The following MBD5 variants were observed in gnomAD, a reference collection of about 807,000 sequenced individuals.
The protein encoded by MBD5 is methyl-CpG-binding domain protein 5.
Under a neutral mutation model 117.3 loss-of-function variants are expected in MBD5, and 13 were observed. That is an observed-to-expected ratio of 0.11 (90% confidence interval 0.07 to 0.18). The LOEUF (loss-of-function observed/expected upper bound fraction) is 0.18. Among genes scored for constraint, MBD5 ranks in the 10% least tolerant of loss-of-function variants. MBD5 has a pLI of 1.00. For missense variants in MBD5, 1,879 were observed against 2,093.8 expected, an observed-to-expected ratio of 0.90 and a Z score of 2.00; for synonymous variants, 727 against 766.4, an observed-to-expected ratio of 0.95 and a Z score of 0.85.
intron 9 of MBD5, among the ~76,000 whole-genome samples, chr2:148,484,623 G>A (rs1459593945): frequency 1.3e-5 from 2 of 152,170 alleles, no homozygotes; most frequent in African/African-American, 4.8e-5. Context: ...GAAACAAGAT[G>A]TAAAAACACG....
chr2:148,074,484 G>GGTTTTTTTTTGTTTTTTTTTTTGTT (rs1695441485), intron 1 of MBD5, among the ~76,000 whole-genome samples: 26 of 123,158 alleles, frequency 2.1e-4, no homozygotes, highest in African/African-American at 9.0e-4. Context: ...GGAATAGTTT[G>GGTTTTTTTTTGTTTTTTTTTTTGTT]TTTTTTTTTT....
At chr2:148,044,472 G>A (rs955368132) in intron 1 of MBD5, 18 of 152,226 alleles carry the variant, frequency 1.2e-4, no homozygotes, top group African/African-American at 4.1e-4. Context: ...AGGATTATGC[G>A]ATGTATTTTA....
chr2:148,151,256 A>G (rs1199012232), intron 1 of MBD5, among the ~76,000 whole-genome samples: 4 of 151,954 alleles, frequency 2.6e-5, no homozygotes, highest in South Asian at 2.1e-4. Context: ...ATTGATTTGC[A>G]TATATTGAAC....
chr2:148,469,793 A>G lies in MBD5; in HGVS notation c.1850A>G (p.His617Arg), dbSNP rs1370214658. ...AVAGSGNTEG[H>R]STLNTMFPPT... ...GCCGGCAGTGGCAACACTGAAGGAC[A>G]TAGCACTTTAAACACCATGTTCCCT... Residue 617 changes from histidine (H) to arginine (R), a missense_variant, in exon 8 of 14, where the codon CAT (histidine) becomes CGT (arginine). Physicochemically the swap from His to Arg is conservative, Grantham distance 29 (BLOSUM62 0). Coordinates refer to ENST00000642680, the MANE Select transcript of MBD5 (RefSeq NM_001378120.1). The G allele has an allele frequency of 6.2e-7, 1 of 1,613,846 alleles. No individual in the cohort carries two copies. The highest frequency in any genetic ancestry group is 1.3e-5 in the African/African-American group (1 of 74,902).
chr2:148,422,260 T>C (rs192737418), intron 4 of MBD5, among the ~76,000 whole-genome samples: 86 of 152,306 alleles, frequency 5.6e-4, no homozygotes, highest in Non-Finnish European at 9.1e-4. Context: ...TTTGCTGTTC[T>C]GAAGCCTCTG....
At chr2:148,217,887 G>T (rs937344866) in intron 2 of MBD5, among the ~76,000 whole-genome samples, 10 of 152,068 alleles carry the variant, frequency 6.6e-5, no homozygotes, top group African/African-American at 2.4e-4. Context: ...TCAAGGGCCA[G>T]TTTCCCTTGC....
intron 1 of MBD5, among the ~76,000 whole-genome samples, chr2:148,144,430 C>T (rs377197356): frequency 7.9e-5 from 12 of 152,056 alleles, no homozygotes; most frequent in African/African-American, 2.9e-4. Context: ...TTGTTTTGCT[C>T]TGCAGAAGCT....
At chr2:148,065,457 G>C (rs920277429) in intron 1 of MBD5, among the ~76,000 whole-genome samples, 2 of 152,146 alleles carry the variant, frequency 1.3e-5, no homozygotes, top group African/African-American at 4.8e-5. Flanking sequence ...TAGCTTGTGA[G>C]CATGCTCTGT....
chr2:148,065,206 C>G (rs1450506709), intron 1 of MBD5, among the ~76,000 whole-genome samples: 1 of 152,192 alleles, frequency 6.6e-6, no homozygotes, highest in African/African-American at 2.4e-5. Context: ...CAGACCATTT[C>G]TGCTTTCCTC....
intron 8 of MBD5, chr2:148,472,171 A>C (rs1003736071): frequency 6.6e-6 from 1 of 152,062 alleles, no homozygotes; most frequent in Non-Finnish European, 1.5e-5. Flanking sequence ...GTTTAGACTT[A>C]TTTAATACTG....
At chr2:148,400,231 AT>A (rs766428283) in intron 4 of MBD5, among the ~76,000 whole-genome samples, 6 of 151,134 alleles carry the variant, frequency 4.0e-5, no homozygotes, top group Non-Finnish European at 7.4e-5. Context: ...CTTTTTTTAA[AT>A]TTTTTTTTCA....
intron 8 of MBD5, among the ~76,000 whole-genome samples, chr2:148,473,227 A>C (rs1680852090): frequency 6.6e-6 from 1 of 152,172 alleles, no homozygotes; most frequent in South Asian, 2.1e-4. Context: ...GTGCAGAAGA[A>C]GAAATACCCA....
At chr2:148,164,177 A>G (rs1266741615) in intron 1 of MBD5, among the ~76,000 whole-genome samples, 2 of 152,334 alleles carry the variant, frequency 1.3e-5, no homozygotes, top group South Asian at 2.1e-4. Flanking sequence ...CCAGTGATTT[A>G]TGCAGATAGT....
rs184849464 is a variant in MBD5, at chr2:148,443,994, A to T, written c.-556-14209A>T. 2.8e-4 allele frequency among the ~76,000 whole-genome samples: 42 copies of T among 151,518 alleles called. No individual in the cohort carries two copies. In the East Asian group the frequency reaches 7.5e-3, roughly 27 times the overall value. Reference sequence around the variant, plus strand: ...ATGCATTGCATGCCTATATGAAAATATCTCATGTAACTCATACATATATAT... The same window carrying T: ...ATGCATTGCATGCCTATATGAAAATTTCTCATGTAACTCATACATATATAT... On this transcript the variant is annotated intron_variant, in intron 4 of 13. Coordinates refer to ENST00000642680, the MANE Select transcript of MBD5 (RefSeq NM_001378120.1).
chr2:148,301,922 G>C (rs1701783615), intron 3 of MBD5, among the ~76,000 whole-genome samples: 1 of 151,942 alleles, frequency 6.6e-6, no homozygotes, highest in Non-Finnish European at 1.5e-5. Flanking sequence ...TATCTATTGG[G>C]AGACTGCCTT....
intron 4 of MBD5, among the ~76,000 whole-genome samples, chr2:148,449,373 G>A (rs893970209): frequency 2.0e-5 from 3 of 151,912 alleles, no homozygotes; most frequent in Admixed American, 6.6e-5. Context: ...GATGTCAAGG[G>A]TGAAGAGAAA....
intron 3 of MBD5, among the ~76,000 whole-genome samples, chr2:148,234,402 A>G (rs1260197964): frequency 6.6e-6 from 1 of 152,168 alleles, no homozygotes. Context: ...AGCCCAGTGT[A>G]GAGATTCTGA....
At chr2:148,147,545 C>T (rs928447847) in intron 1 of MBD5, among the ~76,000 whole-genome samples, 2 of 152,120 alleles carry the variant, frequency 1.3e-5, no homozygotes, top group African/African-American at 2.4e-5. Context: ...CAGCCCCAAA[C>T]TGAACATTTT....
intron 4 of MBD5, among the ~76,000 whole-genome samples, chr2:148,410,450 T>A (rs1168120102): frequency 2.0e-5 from 3 of 152,048 alleles, no homozygotes; most frequent in African/African-American, 7.2e-5. Flanking sequence ...TTGAGAGAAA[T>A]AGAGGGTCTC....
Sources: allele counts gnomAD v4.1 joint callset (sites outside exome capture counted in the v4.1 genomes callset), GRCh38; gene constraint gnomAD v4.1.1; transcripts MANE v1.5; gene names NCBI Gene and HGNC (gene_info 2026-07-23, HGNC 2026-07-21).